Variants in KIAA1328 observed in about 807,000 individuals in gnomAD.
KIAA1328 encodes the protein KIAA1328.
A neutral mutation model predicts 68.1 loss-of-function variants in KIAA1328; 52 were observed. The ratio of observed to expected loss-of-function variants is 0.76; its 90% CI spans 0.61 to 0.96. The LOEUF is 0.96. Ranked by LOEUF, KIAA1328 falls within the 40% of genes least tolerant of loss-of-function variation. KIAA1328 has a pLI of 0.00. For synonymous variants in KIAA1328, 232 were observed against 239.4 expected (o/e 0.97, Z 0.28); for missense variants, 641 against 677.6 (o/e 0.95, Z 0.60).
chr18:37,220,514 A>G (rs944104967), intron 9 of KIAA1328, among the ~76,000 whole-genome samples: 1 of 152,224 alleles, frequency 6.6e-6, no homozygotes, highest in Non-Finnish European at 1.5e-5. Flanking sequence ...AGTTTTTAAA[A>G]CCAGAGATTC....
At chr18:36,932,287 A>T (rs1387835719) in intron 5 of KIAA1328, among the ~76,000 whole-genome samples, 1 of 152,186 alleles carries the variant, frequency 6.6e-6, no homozygotes, top group Non-Finnish European at 1.5e-5. Context: ...TGGTGGCATG[A>T]TCACAGCTCA....
At chr18:36,871,883 T>G (rs1395448216) in intron 4 of KIAA1328, among the ~76,000 whole-genome samples, 2 of 151,926 alleles carry the variant, frequency 1.3e-5, no homozygotes, top group African/African-American at 4.8e-5. Context: ...TGTGGGCAGG[T>G]AAGAGTGGAG....
At chr18:36,940,558 T>C (rs1024132611) in intron 5 of KIAA1328, among the ~76,000 whole-genome samples, 2 of 152,186 alleles carry the variant, frequency 1.3e-5, no homozygotes, top group African/African-American at 4.8e-5. Context: ...GGCTATGAAT[T>C]CTTGAAGTTT....
chr18:37,081,271 C>T (rs946440213), intron 7 of KIAA1328, among the ~76,000 whole-genome samples: 1 of 152,146 alleles, frequency 6.6e-6, no homozygotes, highest in Non-Finnish European at 1.5e-5. Flanking sequence ...CATGAGCCAC[C>T]GTGCCCCGCC....
At chr18:36,999,736 T>C (rs2053520272) in intron 6 of KIAA1328, among the ~76,000 whole-genome samples, 1 of 152,096 alleles carries the variant, frequency 6.6e-6, no homozygotes, top group Admixed American at 6.5e-5. Context: ...TTGCTAGAAC[T>C]AGACCAGACC....
chr18:37,163,734 A>G (rs2059329948), intron 8 of KIAA1328, among the ~76,000 whole-genome samples: 1 of 152,230 alleles, frequency 6.6e-6, no homozygotes, highest in African/African-American at 2.4e-5. Flanking sequence ...TCCAAAGTAC[A>G]GAAATCATTT....
At chr18:36,833,228 G>C (rs2046558348) in intron 1 of KIAA1328, 1 of 152,194 alleles carries the variant, frequency 6.6e-6, no homozygotes, top group South Asian at 2.1e-4. Flanking sequence ...TGTGGGAAGA[G>C]AGAGTTTTGC....
chr18:37,110,376 C>T (rs1469263569), intron 7 of KIAA1328, among the ~76,000 whole-genome samples: 5 of 152,168 alleles, frequency 3.3e-5, no homozygotes, highest in Non-Finnish European at 7.3e-5. Flanking sequence ...CAAAGCATCA[C>T]GTTTGCCTAT....
chr18:37,035,448 A>T (rs746030639), intron 6 of KIAA1328, among the ~76,000 whole-genome samples: 2 of 152,216 alleles, frequency 1.3e-5, no homozygotes, highest in Non-Finnish European at 2.9e-5. Context: ...TGCTAGTGTA[A>T]TGGAAATGTC....
chr18:37,180,295 T>G (rs9961351), intron 9 of KIAA1328, among the ~76,000 whole-genome samples: 3,502 of 152,184 alleles, frequency 0.023, 133 homozygotes, highest in African/African-American at 0.08. Flanking sequence ...AAATAAGAAC[T>G]AAAGGAGACT....
At chr18:37,021,982 G>C (rs539246834) in intron 6 of KIAA1328, among the ~76,000 whole-genome samples, 1 of 152,104 alleles carries the variant, frequency 6.6e-6, no homozygotes, top group Non-Finnish European at 1.5e-5. Flanking sequence ...AGAGCTTGCA[G>C]TGAGCCGAGA....
chr18:36,835,142 TTAAAG>T, intron 2 of KIAA1328, 87 bp from the exon 3 acceptor site: 1 of 1,083,604 alleles, frequency 9.2e-7, no homozygotes, highest in East Asian at 2.5e-5. Context: ...ATCAGGTCCC[TTAAAG>T]TAGAGGATTC....
At chr18:37,130,729 G>A (rs2058502159) in intron 7 of KIAA1328, among the ~76,000 whole-genome samples, 2 of 152,118 alleles carry the variant, frequency 1.3e-5, no homozygotes, top group Admixed American at 1.3e-4. Context: ...TTTCACAAAG[G>A]CATTTGAACA....
chr18:36,971,144 C>A (rs11081977), intron 6 of KIAA1328, among the ~76,000 whole-genome samples: 2 of 151,930 alleles, frequency 1.3e-5, no homozygotes, highest in Non-Finnish European at 2.9e-5. Context: ...AGAAATAACA[C>A]CACACATCTA....
intron 6 of KIAA1328, among the ~76,000 whole-genome samples, chr18:37,052,948 C>T (rs2055758610): frequency 1.3e-5 from 2 of 152,146 alleles, no homozygotes; most frequent in Non-Finnish European, 1.5e-5. Flanking sequence ...AGTGCAAACC[C>T]TATCAAGTTA....
At chr18:36,894,097 T>C (rs1023787157) in intron 5 of KIAA1328, among the ~76,000 whole-genome samples, 1 of 152,204 alleles carries the variant, frequency 6.6e-6, no homozygotes, top group African/African-American at 2.4e-5. Context: ...AAACAGCCCA[T>C]TGCAGAGCTA....
intron 9 of KIAA1328, among the ~76,000 whole-genome samples, chr18:37,214,897 T>G (rs2060396621): frequency 2.0e-5 from 3 of 152,242 alleles, no homozygotes. Flanking sequence ...TTAGGTATTT[T>G]ATTCTCTTTG....
intron 7 of KIAA1328, among the ~76,000 whole-genome samples, chr18:37,078,772 A>G (rs1197975099): frequency 3.4e-4 from 52 of 151,166 alleles, no homozygotes; most frequent in Admixed American, 5.3e-4. Context: ...AATCAAAACC[A>G]CAATGAGATA....
chr18:37,111,740 A>C lies in KIAA1328; in HGVS notation c.1232+44195A>C, dbSNP rs1419076261. 2.6e-5 allele frequency among the ~76,000 whole-genome samples: 4 copies of C among 152,154 alleles called. 1 individual carries two copies. The highest frequency in any genetic ancestry group is 6.5e-5 in the Admixed American group (1 of 15,280). On this transcript the variant is annotated intron_variant, in intron 7 of 9. Transcript: ENST00000280020. The stretch of plus-strand genomic sequence containing the variant: ...GGGTGGGGCATCGCCTCACCTGGGA[A>C]GCACAAGGGGTCGGGGAATTCCCTT...
Sources: gnomAD v4.1 joint callset for allele counts (sites outside exome capture counted in the v4.1 genomes callset) on GRCh38, gnomAD v4.1.1 for gene constraint, MANE v1.5 for transcripts, NCBI Gene and HGNC (gene_info 2026-07-23, HGNC 2026-07-21) for gene names.